Variants in IGF2BP2 observed in about 807,000 individuals in gnomAD.
IGF2BP2 encodes insulin like growth factor 2 mRNA binding protein 2.
In IGF2BP2, 17 loss-of-function variants were observed where a neutral mutation model predicts 75.8. The ratio of observed to expected loss-of-function variants is 0.22; its 90% CI spans 0.15 to 0.34. The LOEUF (loss-of-function observed/expected upper bound fraction) is 0.34. Among genes scored for constraint, IGF2BP2 ranks in the 10% least tolerant of loss-of-function variants. The probability of loss-of-function intolerance (pLI) is 1.00; values close to 1 mark genes in which losing one functional copy is unlikely to be tolerated. For missense variants in IGF2BP2, 516 were observed against 772.4 expected (o/e 0.67, Z 3.93); for synonymous variants, 288 against 295.6 (o/e 0.97, Z 0.26).
chr3:185,801,516 G>T (rs1409508009), intron 2 of IGF2BP2, among the ~76,000 whole-genome samples: 4 of 150,152 alleles, frequency 2.7e-5, no homozygotes, highest in African/African-American at 4.9e-5. Flanking sequence ...AAAAAGTCAG[G>T]AAACAACAGA....
intron 2 of IGF2BP2, among the ~76,000 whole-genome samples, chr3:185,704,495 G>T (rs1723738565): frequency 6.6e-6 from 1 of 152,070 alleles, no homozygotes. Context: ...TGTCACCCAT[G>T]CTGCAGTGCA....
intron 2 of IGF2BP2, among the ~76,000 whole-genome samples, chr3:185,765,729 C>A (rs1732949058): frequency 1.3e-5 from 2 of 152,238 alleles, no homozygotes; most frequent in African/African-American, 4.8e-5. Flanking sequence ...TCTCCAGTGA[C>A]TGATGTCAAA....
rs775451060 is a variant in IGF2BP2 at position 185,785,416 on chromosome 3, TA to T, written c.239+37736del. Among the ~76,000 whole-genome samples, 801 of 143,276 alleles carry T rather than the reference TA, an allele frequency of 5.6e-3. 5 individuals carry two copies. Among genetic ancestry groups the T allele is most frequent in the African/African-American group, 8.4e-3 (327 of 39,106 alleles). The allele number at this position is 143,276 out of a possible 152,430, so 94.0% of individuals were successfully genotyped here. On this transcript the variant is annotated intron_variant, in intron 2 of 15. Coordinates refer to ENST00000382199, the MANE Select transcript of IGF2BP2 (RefSeq NM_006548.6). ...ATTTTACTGTGTCAATAACGAGTGT[TA>T]AAAAAAAAAAAAATGGAATTCTGGT...
chr3:185,707,394 C>T (rs1226110918), intron 2 of IGF2BP2, among the ~76,000 whole-genome samples: 3 of 146,812 alleles, frequency 2.0e-5, no homozygotes, highest in Admixed American at 6.9e-5. Flanking sequence ...CACAACTTCC[C>T]GCCTCCCAGG....
chr3:185,793,987 C>G (rs1358124260), intron 2 of IGF2BP2, among the ~76,000 whole-genome samples: 1 of 135,888 alleles, frequency 7.4e-6, no homozygotes, highest in African/African-American at 2.9e-5. Flanking sequence ...GAGACGGAGT[C>G]TTGCTCTGTC....
intron 2 of IGF2BP2, among the ~76,000 whole-genome samples, chr3:185,797,560 G>A (rs1219611119): frequency 6.6e-6 from 1 of 152,182 alleles, no homozygotes; most frequent in Non-Finnish European, 1.5e-5. Context: ...GACAGGCAGA[G>A]CTTTGAAGAA....
At chr3:185,754,417 C>T (rs1473219194) in intron 2 of IGF2BP2, among the ~76,000 whole-genome samples, 4 of 152,030 alleles carry the variant, frequency 2.6e-5, no homozygotes, top group Admixed American at 2.6e-4. Context: ...TATAAATTAC[C>T]CAGTCTCCGG....
At chr3:185,661,954 G>T (rs1421622171) in intron 10 of IGF2BP2, among the ~76,000 whole-genome samples, 1 of 152,164 alleles carries the variant, frequency 6.6e-6, no homozygotes, top group Non-Finnish European at 1.5e-5. Context: ...TCCAGAGCTA[G>T]AAAAGGGGTT....
chr3:185,661,069 C>T (rs746198160), intron 10 of IGF2BP2, among the ~76,000 whole-genome samples: 1 of 152,166 alleles, frequency 6.6e-6, no homozygotes, highest in African/African-American at 2.4e-5. Context: ...ATAAAAAGGA[C>T]AAATTCTCTT....
At chr3:185,672,745 CTT>C (rs1718726214) in intron 9 of IGF2BP2, 76 bp from the exon 10 acceptor site, 8 of 1,545,092 alleles carry the variant, frequency 5.2e-6, no homozygotes, top group African/African-American at 2.7e-5. Context: ...ACCTCCCTCT[CTT>C]GTCTTAATGG....
At chr3:185,722,019 TAA>T in intron 2 of IGF2BP2, 1 of 259,774 alleles carries the variant, frequency 3.8e-6, no homozygotes, top group Non-Finnish European at 7.6e-6. Flanking sequence ...TTTTTTTTTT[TAA>T]TTTTATTGAT....
chr3:185,668,607 T>C (rs898237254), intron 10 of IGF2BP2, among the ~76,000 whole-genome samples: 17 of 149,316 alleles, frequency 1.1e-4, no homozygotes, highest in African/African-American at 1.5e-4. Flanking sequence ...CTATGAACTA[T>C]TGTTCACTAT....
At position 185,771,788 on chromosome 3, in the gene IGF2BP2, T is replaced by C. The variant is rs1733910194; in HGVS notation, c.239+51365A>G. On this transcript the variant is annotated intron_variant, in intron 2 of 15. Transcript: ENST00000382199. Reference sequence around the variant, plus strand: ...TTCAAATACTATGAGCTTACTTGCATTGCAACACTTAGTCTTGGTAATGAA... The same window carrying C: ...TTCAAATACTATGAGCTTACTTGCACTGCAACACTTAGTCTTGGTAATGAA... 2.0e-5 allele frequency among the ~76,000 whole-genome samples: 3 copies of C among 152,204 alleles called. No individual in the cohort carries two copies. The South Asian group carries it at 6.2e-4, about 32-fold the overall frequency.
rs1311955846 is a variant in IGF2BP2 at position 185,645,815 on chromosome 3, C to T, written c.1708-192G>A. Among the ~76,000 whole-genome samples, 1 of 152,094 alleles carries T rather than the reference C, an allele frequency of 6.6e-6. No individual in the cohort carries two copies. Among genetic ancestry groups the T allele is most frequent in the Non-Finnish European group, 1.5e-5 (1 of 68,004 alleles). The stretch of plus-strand genomic sequence containing the variant: ...AAGTAAGTGGCAGAGGTCCCCCCTC[C>T]ACTCCCACCCCAAGGTCCAGGGTAA... On this transcript the variant is annotated intron_variant, in intron 15 of 15. Coordinates refer to ENST00000382199, the MANE Select transcript of IGF2BP2 (RefSeq NM_006548.6). The surrounding 1 kb of genome is among the most constrained non-coding windows in gnomAD (Gnocchi z 4.9).
At chr3:185,820,212 G>GTA (rs1413360753) in intron 2 of IGF2BP2, among the ~76,000 whole-genome samples, 4 of 133,056 alleles carry the variant, frequency 3.0e-5, no homozygotes, top group African/African-American at 1.3e-4. Context: ...GTATGTGTGT[G>GTA]TGTGTATGTG....
chr3:185,723,414 C>CA (rs1726859629), intron 2 of IGF2BP2, among the ~76,000 whole-genome samples: 1 of 152,190 alleles, frequency 6.6e-6, no homozygotes, highest in East Asian at 1.9e-4. Flanking sequence ...ACTTCATAAA[C>CA]AAGGATGCTG....
intron 2 of IGF2BP2, among the ~76,000 whole-genome samples, chr3:185,787,363 T>A (rs1220663112): frequency 6.6e-6 from 1 of 152,198 alleles, no homozygotes; most frequent in East Asian, 1.9e-4. Context: ...TAAAAAATAT[T>A]TAACGTTTGT....
intron 2 of IGF2BP2, among the ~76,000 whole-genome samples, chr3:185,798,405 A>G (rs1486278176): frequency 1.3e-5 from 2 of 152,232 alleles, no homozygotes; most frequent in African/African-American, 4.8e-5. Context: ...AAATTCTACG[A>G]GTACAAATAG....
At chr3:185,701,682 T>C (rs891887327) in intron 2 of IGF2BP2, among the ~76,000 whole-genome samples, 1 of 152,204 alleles carries the variant, frequency 6.6e-6, no homozygotes, top group African/African-American at 2.4e-5. Context: ...TGTCCTGCTT[T>C]GTTAAGCCAG....
Sources: gnomAD v4.1 joint callset for allele counts (sites outside exome capture counted in the v4.1 genomes callset) on GRCh38, gnomAD v4.1.1 for gene constraint, Gnocchi (gnomAD v3.1) non-coding constraint, MANE v1.5 for transcripts, NCBI Gene and HGNC (gene_info 2026-07-23, HGNC 2026-07-21) for gene names.